CDK14: variants seen among roughly 807,000 people sequenced by gnomAD.
The protein encoded by CDK14 is cyclin dependent kinase 14, also known as cyclin-dependent kinase 14.
Under a neutral mutation model 60.7 loss-of-function variants are expected in CDK14, and 34 were observed. The observed-to-expected ratio is 0.56, with a 90% CI of 0.43 to 0.75. CDK14 has a LOEUF of 0.75. Ranked by LOEUF, CDK14 falls within the 30% of genes least tolerant of loss-of-function variation. The pLI, the probability that CDK14 is intolerant of heterozygous loss-of-function variation, is 0.00. For missense variants in CDK14, 482 were observed against 564.1 expected, an observed-to-expected ratio of 0.85 and a Z score of 1.47; for synonymous variants, 197 against 203.7, an observed-to-expected ratio of 0.97 and a Z score of 0.28.
chr7:90,885,182 A>G (rs1182798605), intron 6 of CDK14, among the ~76,000 whole-genome samples: 1 of 152,218 alleles, frequency 6.6e-6, no homozygotes, highest in Admixed American at 6.5e-5. Context: ...TTTGCAAGCT[A>G]CCCATCTGAC....
At chr7:90,675,501 CTATTT>C (rs1378820466) in intron 2 of CDK14, among the ~76,000 whole-genome samples, 1 of 152,014 alleles carries the variant, frequency 6.6e-6, no homozygotes, top group Non-Finnish European at 1.5e-5. Context: ...TTAACTTTGG[CTATTT>C]TAAAGTTGAT....
chr7:90,876,835 G>A (rs930548483), intron 6 of CDK14, among the ~76,000 whole-genome samples: 2 of 152,198 alleles, frequency 1.3e-5, no homozygotes, highest in Non-Finnish European at 2.9e-5. Context: ...GACGTCAATT[G>A]TTGTGAAGTA....
intron 4 of CDK14, among the ~76,000 whole-genome samples, chr7:90,767,039 T>G (rs954453944): frequency 6.6e-6 from 1 of 152,146 alleles, no homozygotes; most frequent in African/African-American, 2.4e-5. Context: ...GATGGACAAC[T>G]CCGGTACTCT....
chr7:90,767,691 A>G (rs553652619), intron 4 of CDK14, among the ~76,000 whole-genome samples: 2 of 152,156 alleles, frequency 1.3e-5, no homozygotes, highest in South Asian at 4.2e-4. Context: ...GACAAACATA[A>G]CTCCTGACTC....
At chr7:90,841,233 A>G (rs143457930) in intron 5 of CDK14, among the ~76,000 whole-genome samples, 192 of 152,300 alleles carry the variant, frequency 1.3e-3, no homozygotes, top group African/African-American at 4.4e-3. Flanking sequence ...GTAATGGTGG[A>G]AATAATTCAT....
rs575938703 is a variant in CDK14, at chr7:90,838,637, G to T, written c.545-24538G>T. Among the ~76,000 whole-genome samples, 5 of 152,178 alleles carry T rather than the reference G, an allele frequency of 3.3e-5. No homozygotes were observed. In the East Asian group the frequency reaches 9.7e-4, roughly 29 times the overall value. The stretch of plus-strand genomic sequence containing the variant: ...CCCAGGGGTAGGTCTATAGATAGCC[G>T]CTCTGGGAGTGTCTGTCTTATGCAG... On this transcript the variant is annotated intron_variant, in intron 5 of 14. Transcript: ENST00000380050.
At chr7:91,085,355 C>T (rs910030608) in intron 12 of CDK14, among the ~76,000 whole-genome samples, 1 of 152,144 alleles carries the variant, frequency 6.6e-6, no homozygotes, top group Non-Finnish European at 1.5e-5. Context: ...CTCAACGCCT[C>T]CTGCATGCTT....
chr7:91,057,723 C>T (rs1269716319), intron 11 of CDK14, among the ~76,000 whole-genome samples: 3 of 152,050 alleles, frequency 2.0e-5, no homozygotes, highest in Admixed American at 6.6e-5. Context: ...TGTAGATATG[C>T]GACATTATTT....
chr7:91,182,392 G>A (rs766637755), intron 14 of CDK14, among the ~76,000 whole-genome samples: 1 of 151,442 alleles, frequency 6.6e-6, no homozygotes, highest in Admixed American at 6.6e-5. Flanking sequence ...TTTTAGGATT[G>A]CCTTTTACAT....
intron 12 of CDK14, among the ~76,000 whole-genome samples, chr7:91,093,838 G>A (rs888655153): frequency 1.3e-5 from 2 of 152,156 alleles, no homozygotes; most frequent in Non-Finnish European, 2.9e-5. Flanking sequence ...GGAATACTGT[G>A]CAGCCATAAA....
At chr7:90,696,663 AG>A (rs1371605593) in intron 2 of CDK14, among the ~76,000 whole-genome samples, 1 of 152,206 alleles carries the variant, frequency 6.6e-6, no homozygotes, top group Non-Finnish European at 1.5e-5. Flanking sequence ...GATGAGGGAA[AG>A]GTAGGACCTG....
intron 8 of CDK14, among the ~76,000 whole-genome samples, chr7:90,919,429 C>T (rs1384281840): frequency 6.6e-6 from 1 of 151,992 alleles, no homozygotes; most frequent in East Asian, 1.9e-4. Context: ...TACTTTAAAA[C>T]TGACATTTTA....
intron 14 of CDK14, among the ~76,000 whole-genome samples, chr7:91,200,375 A>G (rs559328732): frequency 4.7e-4 from 72 of 152,310 alleles, no homozygotes; most frequent in Admixed American, 3.4e-3. Flanking sequence ...TTAATTCTCT[A>G]TAATAGGAAA....
At chr7:91,203,845 C>A (rs1802799244) in intron 14 of CDK14, among the ~76,000 whole-genome samples, 1 of 152,204 alleles carries the variant, frequency 6.6e-6, no homozygotes, top group Non-Finnish European at 1.5e-5. Context: ...TGAGTGCTTT[C>A]TCTTCTTGAT....
At position 90,831,523 on chromosome 7, in the gene CDK14, G is replaced by A. The variant is rs565354365; in HGVS notation, c.545-31652G>A. On this transcript the variant is annotated intron_variant, in intron 5 of 14. Coordinates refer to ENST00000380050, the MANE Select transcript of CDK14 (RefSeq NM_001287135.2). Reference sequence around the variant, plus strand: ...CAAACTGTATTAAGTACAATTTTTAGATTAGATTTTTGGGACTGACTTGGC... The same window carrying A: ...CAAACTGTATTAAGTACAATTTTTAAATTAGATTTTTGGGACTGACTTGGC... Among the ~76,000 whole-genome samples the A allele has an allele frequency of 2.0e-5, 3 of 152,208 alleles. No individual in the cohort carries two copies. In the East Asian group the frequency reaches 5.8e-4, roughly 29 times the overall value.
intron 2 of CDK14, among the ~76,000 whole-genome samples, chr7:90,662,838 A>G (rs1344776023): frequency 6.6e-6 from 1 of 152,208 alleles, no homozygotes; most frequent in Non-Finnish European, 1.5e-5. Flanking sequence ...TGACAAGAGC[A>G]GAGACTTTGG....
At chr7:90,757,435 T>C (rs1182507509) in intron 4 of CDK14, among the ~76,000 whole-genome samples, 1 of 152,158 alleles carries the variant, frequency 6.6e-6, no homozygotes, top group Non-Finnish European at 1.5e-5. Context: ...GTTCAATCCA[T>C]AACACTTACT....
At chr7:91,161,990 T>G (rs1373517030) in intron 14 of CDK14, among the ~76,000 whole-genome samples, 1 of 152,220 alleles carries the variant, frequency 6.6e-6, no homozygotes, top group African/African-American at 2.4e-5. Flanking sequence ...GAAAGTAGAT[T>G]AGCTATTCTG....
At chr7:90,756,782 C>T (rs1368936301) in intron 4 of CDK14, among the ~76,000 whole-genome samples, 1 of 152,182 alleles carries the variant, frequency 6.6e-6, no homozygotes, top group Non-Finnish European at 1.5e-5. Context: ...GTCTGCATCC[C>T]ACCTGCCATC....
Sources: gnomAD v4.1 joint callset for allele counts (sites outside exome capture counted in the v4.1 genomes callset) on GRCh38, gnomAD v4.1.1 for gene constraint, MANE v1.5 for transcripts, NCBI Gene and HGNC (gene_info 2026-07-23, HGNC 2026-07-21) for gene names.